Variants in SNX9 observed in about 807,000 individuals in gnomAD.
SNX9 encodes the protein sorting nexin-9.
Under a neutral mutation model 89.4 loss-of-function variants are expected in SNX9, and 44 were observed. The ratio of observed to expected loss-of-function variants is 0.49; its 90% CI spans 0.39 to 0.63. The LOEUF is 0.63. Ranked by LOEUF, SNX9 falls within the 30% of genes least tolerant of loss-of-function variation. SNX9 has a pLI of 0.00. For missense variants in SNX9, 578 were observed against 736.1 expected (o/e 0.79, Z 2.49); for synonymous variants, 236 against 247.8 (o/e 0.95, Z 0.45).
chr6:157,869,473 C>T (rs1782343857), intron 2 of SNX9, among the ~76,000 whole-genome samples: 2 of 152,136 alleles, frequency 1.3e-5, no homozygotes, highest in African/African-American at 4.8e-5. Flanking sequence ...TCTGTTGTGG[C>T]GCCTTTCCAT....
intron 7 of SNX9, 115 bp from the exon 8 acceptor site, chr6:157,909,550 G>A: frequency 8.2e-7 from 1 of 1,221,786 alleles, no homozygotes. Flanking sequence ...AGAGGAACAA[G>A]AATGACCCTC....
chr6:157,857,359 A>G (rs910338993), intron 1 of SNX9, among the ~76,000 whole-genome samples: 17 of 152,032 alleles, frequency 1.1e-4, no homozygotes, highest in Non-Finnish European at 2.4e-4. Flanking sequence ...TCCCACTGAA[A>G]CCTGGAGTCA....
chr6:157,831,094 G>A (rs548593462), intron 1 of SNX9, among the ~76,000 whole-genome samples: 4 of 152,074 alleles, frequency 2.6e-5, no homozygotes, highest in Non-Finnish European at 5.9e-5. Flanking sequence ...ATATTTTTAA[G>A]CTTCTCTTAA....
chr6:157,842,195 CTATT>C (rs1781716346), intron 1 of SNX9, among the ~76,000 whole-genome samples: 1 of 152,168 alleles, frequency 6.6e-6, no homozygotes, highest in African/African-American at 2.4e-5. Context: ...TTTGCTGTAT[CTATT>C]AAGTTGCTTG....
chr6:157,907,689 C>T (rs1783247135), intron 7 of SNX9, among the ~76,000 whole-genome samples: 1 of 152,240 alleles, frequency 6.6e-6, no homozygotes, highest in African/African-American at 2.4e-5. Context: ...GAACTGCACC[C>T]ATGCACCCAG....
intron 17 of SNX9, 91 bp from the exon 18 acceptor site, chr6:157,942,700 T>G: frequency 7.4e-7 from 1 of 1,347,998 alleles, no homozygotes; most frequent in Non-Finnish European, 1.0e-6. Context: ...ATTTGTGTCA[T>G]GTTTAACTTG....
intron 7 of SNX9, among the ~76,000 whole-genome samples, chr6:157,908,671 A>G (rs1260144817): frequency 6.6e-6 from 1 of 152,172 alleles, no homozygotes; most frequent in African/African-American, 2.4e-5. Context: ...AATAAGATGA[A>G]AAAACCAGGT....
intron 4 of SNX9, among the ~76,000 whole-genome samples, chr6:157,884,309 T>C (rs899153386): frequency 6.6e-6 from 1 of 152,240 alleles, no homozygotes; most frequent in East Asian, 1.9e-4. Flanking sequence ...GGAATTTTTA[T>C]TGGTTATAGG....
At chr6:157,870,057 C>G (rs1782362216) in intron 2 of SNX9, among the ~76,000 whole-genome samples, 1 of 151,610 alleles carries the variant, frequency 6.6e-6, no homozygotes, top group Admixed American at 6.6e-5. Flanking sequence ...CACGTGTGAG[C>G]ACGCACACAC....
intron 17 of SNX9, 120 bp downstream of exon 17, chr6:157,941,094 G>A (rs1362357120): frequency 1.2e-6 from 1 of 864,910 alleles, no homozygotes; most frequent in Non-Finnish European, 1.8e-6. Flanking sequence ...AACCAAAGGA[G>A]CCTAAATTTT....
At chr6:157,838,272 C>G (rs1326018270) in intron 1 of SNX9, among the ~76,000 whole-genome samples, 1 of 152,082 alleles carries the variant, frequency 6.6e-6, no homozygotes, top group Non-Finnish European at 1.5e-5. Flanking sequence ...CTCAGCCTCC[C>G]AAAGTGCTAG....
At chr6:157,851,267 A>C (rs965975445) in intron 1 of SNX9, among the ~76,000 whole-genome samples, 1 of 151,192 alleles carries the variant, frequency 6.6e-6, no homozygotes, top group African/African-American at 2.5e-5. Context: ...AAAAAAAAAA[A>C]AACCCTAAAA....
intron 1 of SNX9, among the ~76,000 whole-genome samples, chr6:157,834,147 G>GTTT (rs1781527084): frequency 1.4e-5 from 1 of 71,232 alleles, no homozygotes; most frequent in African/African-American, 9.3e-5. Context: ...GGTGTCCACT[G>GTTT]TGGTTTTTTT....
At chr6:157,912,021 G>T (rs1366286957) in intron 9 of SNX9, among the ~76,000 whole-genome samples, 1 of 152,142 alleles carries the variant, frequency 6.6e-6, no homozygotes, top group Non-Finnish European at 1.5e-5. Context: ...GCTGCCTTCT[G>T]CCCAGAGGCA....
At chr6:157,872,059 G>T (rs1782424378) in intron 2 of SNX9, among the ~76,000 whole-genome samples, 1 of 152,058 alleles carries the variant, frequency 6.6e-6, no homozygotes, top group Non-Finnish European at 1.5e-5. Context: ...TTTTTTAAGA[G>T]AATGTGATTA....
chr6:157,906,577 T>C (rs1783221673), intron 7 of SNX9, among the ~76,000 whole-genome samples: 1 of 152,262 alleles, frequency 6.6e-6, no homozygotes, highest in African/African-American at 2.4e-5. Context: ...AGTACATGTA[T>C]GTTATCAGAA....
intron 4 of SNX9, among the ~76,000 whole-genome samples, chr6:157,887,492 C>A (rs1393921439): frequency 6.6e-6 from 1 of 152,146 alleles, no homozygotes; most frequent in Non-Finnish European, 1.5e-5. Flanking sequence ...ACTCTGTATC[C>A]TCCCACCACA....
At position 157,894,802 on chromosome 6, in the gene SNX9, TAC is replaced by T. The variant is rs201441034; in HGVS notation, c.301-2021_301-2020del. ...TTTGACAAAATCCATCGGTTCTAAA[TAC>T]ACAGTCTCCTTAAGCCTAGCATTTT... is the stretch of plus-strand genomic sequence containing the variant. On this transcript the variant is annotated intron_variant, in intron 4 of 17. Coordinates refer to ENST00000392185, the MANE Select transcript of SNX9 (RefSeq NM_016224.5). 2.2e-4 allele frequency among the ~76,000 whole-genome samples: 34 copies of T among 152,360 alleles called. 1 individual carries two copies. In the East Asian group the frequency reaches 6.2e-3, roughly 28 times the overall value.
At chr6:157,887,069 G>A (rs148025057) in intron 4 of SNX9, among the ~76,000 whole-genome samples, 1 of 152,042 alleles carries the variant, frequency 6.6e-6, no homozygotes, top group Admixed American at 6.6e-5. Context: ...ATTATGAGTG[G>A]ATGTCAGACA....
Sources: allele counts gnomAD v4.1 joint callset (sites outside exome capture counted in the v4.1 genomes callset), GRCh38; gene constraint gnomAD v4.1.1; transcripts MANE v1.5; gene names NCBI Gene and HGNC (gene_info 2026-07-23, HGNC 2026-07-21).